The following DGLUCY variants were observed in gnomAD, a reference collection of about 807,000 sequenced individuals.
DGLUCY encodes the protein D-glutamate cyclase, mitochondrial.
Under a neutral mutation model 58.5 loss-of-function variants are expected in DGLUCY, and 58 were observed. The observed-to-expected ratio is 0.99, with a 90% CI of 0.80 to 1.23. DGLUCY has a LOEUF of 1.23. Among genes scored for constraint, DGLUCY ranks in the 50% most tolerant of loss-of-function variants. The pLI, the probability that DGLUCY is intolerant of heterozygous loss-of-function variation, is 0.00. For synonymous variants in DGLUCY, 325 were observed against 314.1 expected, an observed-to-expected ratio of 1.03 and a Z score of -0.37; for missense variants, 779 against 784.7, an observed-to-expected ratio of 0.99 and a Z score of 0.09.
chr14:91,199,675 C>T (rs1279430459), intron 10 of DGLUCY, 82 bp from the exon 11 acceptor site: 23 of 1,486,544 alleles, frequency 1.5e-5, no homozygotes, highest in Admixed American at 8.4e-5. Flanking sequence ...GCGTCTTTCG[C>T]GCAAACACAA....
chr14:91,150,218 CAAAAAA>C (rs71120121), intron 1 of DGLUCY, among the ~76,000 whole-genome samples: 5 of 64,730 alleles, frequency 7.7e-5, no homozygotes, highest in Non-Finnish European at 1.4e-4. Flanking sequence ...GACTCCATCT[CAAAAAA>C]AAAAAAAAAA....
intron 12 of DGLUCY, among the ~76,000 whole-genome samples, chr14:91,209,225 T>G (rs1042495325): frequency 6.6e-6 from 1 of 152,154 alleles, no homozygotes; most frequent in East Asian, 1.9e-4. Flanking sequence ...ATAATGCCAC[T>G]GCACTCCAAC....
At chr14:91,202,489 T>C (rs965932882) in intron 11 of DGLUCY, among the ~76,000 whole-genome samples, 2 of 152,164 alleles carry the variant, frequency 1.3e-5, no homozygotes, top group Non-Finnish European at 2.9e-5. Context: ...TTAGAACGTT[T>C]CTGCAAATCG....
Position 91,174,408 on chromosome 14 carries a change from C to T in DGLUCY, c.607+969C>T, listed in dbSNP as rs954035640. 1.2e-4 allele frequency among the ~76,000 whole-genome samples: 19 copies of T among 152,276 alleles called. No individual in the cohort carries two copies. The East Asian group carries it at 3.1e-3, about 25-fold the overall frequency. ...GCAACCTCCATCTCCTGGGTTCAAGCGATTCTCCTGCCTCAGCCTCCCAAG... is the reference window on the plus strand; with the variant it reads ...GCAACCTCCATCTCCTGGGTTCAAGTGATTCTCCTGCCTCAGCCTCCCAAG... On this transcript the variant is annotated intron_variant, in intron 6 of 13. Coordinates refer to ENST00000256324, the MANE Select transcript of DGLUCY (RefSeq NM_001102368.3).
chr14:91,215,001 T>C (rs1411394788), intron 12 of DGLUCY, among the ~76,000 whole-genome samples: 1 of 152,026 alleles, frequency 6.6e-6, no homozygotes, highest in Non-Finnish European at 1.5e-5. Context: ...ATATAAAAAT[T>C]AGCTGGGCAT....
chr14:91,222,000 A>C (rs1887590159), intron 13 of DGLUCY, among the ~76,000 whole-genome samples: 1 of 151,964 alleles, frequency 6.6e-6, no homozygotes, highest in South Asian at 2.1e-4. Context: ...GCATCCACAC[A>C]CTCAGCCACC....
intron 4 of DGLUCY, among the ~76,000 whole-genome samples, chr14:91,169,185 G>A (rs2048436853): frequency 6.6e-6 from 1 of 152,138 alleles, no homozygotes; most frequent in Admixed American, 6.6e-5. Context: ...CATGTGCCCG[G>A]CATGAAGGCA....
At chr14:91,143,971 C>T (rs999785288) in intron 1 of DGLUCY, among the ~76,000 whole-genome samples, 13 of 152,148 alleles carry the variant, frequency 8.5e-5, no homozygotes, top group African/African-American at 2.7e-4. Context: ...TCTGTGCCAC[C>T]GCGAAGGGCC....
intron 7 of DGLUCY, among the ~76,000 whole-genome samples, chr14:91,178,626 T>C (rs2048994594): frequency 6.6e-6 from 1 of 152,188 alleles, no homozygotes; most frequent in Admixed American, 6.5e-5. Context: ...AGACAAGCGA[T>C]AATTAAATTC....
chr14:91,150,047 T>C (rs1474250493), intron 1 of DGLUCY, among the ~76,000 whole-genome samples: 2 of 151,806 alleles, frequency 1.3e-5, no homozygotes, highest in South Asian at 2.1e-4. Flanking sequence ...GGTGAAACCC[T>C]GCCTCTACTA....
chr14:91,062,906 C>T (rs1215832526), intron 1 of DGLUCY, among the ~76,000 whole-genome samples: 1 of 152,074 alleles, frequency 6.6e-6, no homozygotes, highest in South Asian at 2.1e-4. Context: ...AACTTTTATA[C>T]CAGTTATATA....
intron 1 of DGLUCY, among the ~76,000 whole-genome samples, chr14:91,091,293 G>A (rs1189662365): frequency 6.6e-6 from 1 of 152,154 alleles, no homozygotes; most frequent in Non-Finnish European, 1.5e-5. Flanking sequence ...GGCCGAGGTG[G>A]GTGGGTCACT....
At chr14:91,188,122 G>A (rs1239103515) in intron 8 of DGLUCY, among the ~76,000 whole-genome samples, 2 of 152,282 alleles carry the variant, frequency 1.3e-5, no homozygotes. Flanking sequence ...GTCTTCCAGG[G>A]TGAGTGTCCT....
intron 12 of DGLUCY, among the ~76,000 whole-genome samples, chr14:91,209,272 A>G (rs1275685030): frequency 3.3e-5 from 5 of 152,148 alleles, no homozygotes. Flanking sequence ...CAAAACAACA[A>G]CAACGACGAC....
At chr14:91,071,755 C>T (rs965785966) in intron 1 of DGLUCY, among the ~76,000 whole-genome samples, 32 of 151,842 alleles carry the variant, frequency 2.1e-4, no homozygotes, top group African/African-American at 7.7e-4. Context: ...GTAGTCCCAG[C>T]TACTCAGGAG....
At chr14:91,060,743 C>G (rs117079227) in intron 1 of DGLUCY, 5,417 of 252,966 alleles carry the variant, frequency 0.021, 85 homozygotes, top group Middle Eastern at 0.043. Flanking sequence ...TGATTGGACA[C>G]AGGGCGCGCG....
intron 1 of DGLUCY, among the ~76,000 whole-genome samples, chr14:91,078,293 A>G (rs185428669): frequency 1.3e-5 from 2 of 152,330 alleles, no homozygotes; most frequent in Admixed American, 1.3e-4. Context: ...ATCAGTGTTA[A>G]TAAAAGCTAC....
intron 5 of DGLUCY, among the ~76,000 whole-genome samples, chr14:91,172,157 A>G (rs2048605008): frequency 1.3e-5 from 2 of 151,856 alleles, no homozygotes; most frequent in Admixed American, 1.3e-4. Flanking sequence ...TGCAGCCTCA[A>G]CCTCCTGGGT....
intron 1 of DGLUCY, among the ~76,000 whole-genome samples, chr14:91,068,109 A>G (rs996892965): frequency 2.8e-5 from 4 of 145,286 alleles, no homozygotes; most frequent in African/African-American, 1.1e-4. Flanking sequence ...ACACACACAC[A>G]CACACACCCC....
Sources: allele counts gnomAD v4.1 joint callset (sites outside exome capture counted in the v4.1 genomes callset), GRCh38; gene constraint gnomAD v4.1.1; transcripts MANE v1.5; gene names NCBI Gene and HGNC (gene_info 2026-07-23, HGNC 2026-07-21).